MEGF10: variants seen among roughly 807,000 people sequenced by gnomAD.
The protein encoded by MEGF10 is multiple EGF like domains 10.
In MEGF10, 86 loss-of-function variants were observed where a neutral mutation model predicts 147.5. The ratio of observed to expected loss-of-function variants is 0.58; its 90% CI spans 0.49 to 0.70. The LOEUF is 0.70. MEGF10 is among the 30% of genes least tolerant of loss of function. The pLI, the probability that MEGF10 is intolerant of heterozygous loss-of-function variation, is 0.00. For missense variants in MEGF10, 1,329 were observed against 1,487.3 expected (o/e 0.89, Z 1.75); for synonymous variants, 478 against 525.5 (o/e 0.91, Z 1.24).
At chr5:127,285,493 T>C in the MEGF10 span, among the ~76,000 whole-genome samples, 1 of 152,146 alleles carries the variant, frequency 6.6e-6, no homozygotes, top group Non-Finnish European at 1.5e-5. Flanking sequence ...CAAAAAAGTC[T>C]ACTTAATCTA....
Position 127,402,577 on chromosome 5 carries a change from G to T in MEGF10, c.812G>T (p.Gly271Val). 1 of 1,614,012 alleles carries T rather than the reference G, an allele frequency of 6.2e-7. No individual in the cohort carries two copies. Residue 271 changes from glycine to valine, a missense_variant, in exon 8 of 25, where the codon GGT (glycine) becomes GTT (valine). Physicochemically the swap from Gly to Val is moderately radical, Grantham distance 109. Transcript: ENST00000503335. ...GTGTGTGGTCAGCCTTGCCCCGAGG[G>T]TCGCTTTGGAAAGAACTGTTCCCAA... ...GTVCGQPCPE[G>V]RFGKNCSQEC...
chr5:127,376,197 G>C (rs777814705), intron 5 of MEGF10, among the ~76,000 whole-genome samples: 3 of 152,160 alleles, frequency 2.0e-5, no homozygotes, highest in Non-Finnish European at 4.4e-5. Context: ...AAGCCAAGGA[G>C]AGGAAGCAAA....
chr5:127,412,914 A>G (rs962182466), intron 9 of MEGF10, among the ~76,000 whole-genome samples: 15 of 152,150 alleles, frequency 9.9e-5, no homozygotes, highest in Non-Finnish European at 5.9e-5. Context: ...TGAGCCACAC[A>G]TCTCCAGTAT....
At chr5:127,401,482 G>C (rs1764131091) in intron 7 of MEGF10, among the ~76,000 whole-genome samples, 1 of 152,168 alleles carries the variant, frequency 6.6e-6, no homozygotes, top group African/African-American at 2.4e-5. Context: ...GGGTAGCCAG[G>C]AGTTAGAGGA....
At chr5:127,400,957 A>G (rs1015389729) in intron 7 of MEGF10, among the ~76,000 whole-genome samples, 4 of 152,188 alleles carry the variant, frequency 2.6e-5, no homozygotes, top group South Asian at 2.1e-4. Flanking sequence ...TTCAAAGATG[A>G]ATATATATTC....
chr5:127,378,277 C>G (rs1419060624), intron 5 of MEGF10, among the ~76,000 whole-genome samples: 1 of 152,118 alleles, frequency 6.6e-6, no homozygotes, highest in African/African-American at 2.4e-5. Flanking sequence ...AACAGGTATT[C>G]GCCAGTGCTG....
At chr5:127,372,566 C>T (rs1467115734) in intron 5 of MEGF10, among the ~76,000 whole-genome samples, 1 of 152,174 alleles carries the variant, frequency 6.6e-6, no homozygotes, top group Non-Finnish European at 1.5e-5. Context: ...TGTCATGTCT[C>T]CCCTGTCTTC....
chr5:127,281,695 G>T, the MEGF10 span, among the ~76,000 whole-genome samples: 9,434 of 152,284 alleles, frequency 0.062, 346 homozygotes, highest in African/African-American at 0.096. Context: ...TGGTGCACAC[G>T]GGATGGCCAA....
At chr5:127,422,905 A>G in intron 13 of MEGF10, 133 bp downstream of exon 13, 1 of 674,120 alleles carries the variant, frequency 1.5e-6, no homozygotes, top group South Asian at 1.8e-5. Context: ...GGTTTCCAGT[A>G]AACTGAAACC....
chr5:127,356,018 C>T (rs1762269666), intron 4 of MEGF10, among the ~76,000 whole-genome samples: 1 of 152,138 alleles, frequency 6.6e-6, no homozygotes, highest in South Asian at 2.1e-4. Flanking sequence ...AATCCCCTTG[C>T]AGGGATAGAA....
intron 17 of MEGF10, 116 bp downstream of exon 17, chr5:127,438,683 C>T (rs953772388): frequency 4.7e-6 from 5 of 1,073,566 alleles, no homozygotes; most frequent in Admixed American, 2.4e-5. Context: ...TGGAGTACTT[C>T]CCTCTCCTAA....
intron 1 of MEGF10, among the ~76,000 whole-genome samples, chr5:127,315,207 G>C (rs1264966565): frequency 1.3e-5 from 2 of 152,086 alleles, no homozygotes; most frequent in African/African-American, 2.4e-5. Context: ...AGAGTTATCA[G>C]AACCTGCTTA....
At chr5:127,263,307 C>CGGG in the MEGF10 span, among the ~76,000 whole-genome samples, 19 of 144,330 alleles carry the variant, frequency 1.3e-4, no homozygotes, top group African/African-American at 3.9e-4. Context: ...GAGGGATTCT[C>CGGG]GGGGGGGGGG....
chr5:127,356,985 A>C (rs147873424), intron 4 of MEGF10, among the ~76,000 whole-genome samples: 1 of 152,122 alleles, frequency 6.6e-6, no homozygotes, highest in Non-Finnish European at 1.5e-5. Flanking sequence ...AGTTCTCTGG[A>C]TCTACTTACT....
chr5:127,237,444 A>C, the MEGF10 span, among the ~76,000 whole-genome samples: 1 of 152,192 alleles, frequency 6.6e-6, no homozygotes, highest in Non-Finnish European at 1.5e-5. Context: ...GTAAGCTGAG[A>C]TCACACCACT....
intron 18 of MEGF10, among the ~76,000 whole-genome samples, chr5:127,442,792 T>C (rs977157989): frequency 1.3e-5 from 2 of 152,182 alleles, no homozygotes; most frequent in East Asian, 3.8e-4. Context: ...AGCAGCCCTG[T>C]CTCTAGCCCT....
At chr5:127,313,806 TCAGG>T (rs1202172799) in intron 1 of MEGF10, among the ~76,000 whole-genome samples, 1 of 152,190 alleles carries the variant, frequency 6.6e-6, no homozygotes, top group African/African-American at 2.4e-5. Context: ...AGACTTGTGG[TCAGG>T]CAGACACCTC....
At chr5:127,443,185 G>A in intron 19 of MEGF10, 59 bp downstream of exon 19, 1 of 1,482,564 alleles carries the variant, frequency 6.7e-7, no homozygotes, top group Non-Finnish European at 9.0e-7. Flanking sequence ...CATGTACCAG[G>A]CAATGTGAAG....
In MEGF10 at chr5:127,396,487, T is replaced by C. The variant is rs1384221550; in HGVS notation, c.413-45T>C. ...TCCCCGAGAGGCGAAGAAATCTGGT[T>C]CTCCCTTACCCACTGATATCCACTG... On this transcript the variant is annotated intron_variant, in intron 5 of 24. Transcript: ENST00000503335. The C allele has an allele frequency of 2.0e-6, 3 of 1,474,118 alleles. No individual in the cohort carries two copies. The African/African-American group carries it at 4.3e-5, about 21-fold the overall frequency. The allele number at this position is 1,474,118 out of a possible 1,614,324, so 91.3% of individuals were successfully genotyped here. A position where few individuals can be genotyped will look rare whatever the true frequency, so the allele number is the denominator to read the frequency against.
Sources: gnomAD v4.1 joint callset for allele counts (sites outside exome capture counted in the v4.1 genomes callset) on GRCh38, gnomAD v4.1.1 for gene constraint, MANE v1.5 for transcripts, NCBI Gene and HGNC (gene_info 2026-07-23, HGNC 2026-07-21) for gene names.